Variants in HS3ST5 observed in about 807,000 individuals in gnomAD.
HS3ST5 encodes heparan sulfate glucosamine 3-O-sulfotransferase 5.
Under a neutral mutation model 25.4 loss-of-function variants are expected in HS3ST5, and 10 were observed. That is an observed-to-expected ratio of 0.39 (90% confidence interval 0.24 to 0.67). The LOEUF (loss-of-function observed/expected upper bound fraction) is 0.67, where lower values mean the gene tolerates loss of function less well. Among genes scored for constraint, HS3ST5 ranks in the 30% least tolerant of loss-of-function variants. The pLI is 0.44. For missense variants in HS3ST5, 324 were observed against 420.7 expected (o/e 0.77, Z 2.01); for synonymous variants, 170 against 162.4 (o/e 1.05, Z -0.36).
chr6:114,205,554 T>C (rs13328290), intron 2 of HS3ST5, among the ~76,000 whole-genome samples: 1 of 152,186 alleles, frequency 6.6e-6, no homozygotes, highest in Non-Finnish European at 1.5e-5. Flanking sequence ...GCATGATTGA[T>C]GAGATCATTG....
At position 114,135,619 on chromosome 6, in the gene HS3ST5, C is replaced by T. The variant is rs557745219; in HGVS notation, c.-33+32732G>A. 5.3e-5 allele frequency among the ~76,000 whole-genome samples: 8 copies of T among 152,310 alleles called. No homozygotes were observed. In the East Asian group the frequency reaches 5.8e-4, roughly 11 times the overall value. On this transcript the variant is annotated intron_variant, in intron 3 of 4. Coordinates refer to ENST00000312719, the MANE Select transcript of HS3ST5 (RefSeq NM_153612.4). ...CCATCCTCCCTCTCCACCCAGGGCA[C>T]GGTTTCAAGATTTAGGTCAGATGTC... is the stretch of plus-strand genomic sequence containing the variant.
chr6:114,333,746 C>T (rs1776498655), intron 1 of HS3ST5, among the ~76,000 whole-genome samples: 1 of 151,802 alleles, frequency 6.6e-6, no homozygotes, highest in Non-Finnish European at 1.5e-5. Flanking sequence ...CCCGGGTTTA[C>T]GTATTACGGC....
intron 4 of HS3ST5, chr6:114,058,774 G>A (rs1422970184): frequency 1.3e-5 from 2 of 153,228 alleles, no homozygotes; most frequent in Non-Finnish European, 2.9e-5. Flanking sequence ...GAGACTCTCT[G>A]CCCTGGGCCT....
intron 2 of HS3ST5, among the ~76,000 whole-genome samples, chr6:114,171,680 C>T (rs1020897008): frequency 6.6e-6 from 1 of 152,064 alleles, no homozygotes; most frequent in Non-Finnish European, 1.5e-5. Context: ...ACTTATAATT[C>T]GTAAGTTACG....
At chr6:114,327,066 C>T (rs751443719) in intron 1 of HS3ST5, among the ~76,000 whole-genome samples, 16 of 152,122 alleles carry the variant, frequency 1.1e-4, no homozygotes, top group Non-Finnish European at 1.9e-4. Flanking sequence ...GTAAAATCTC[C>T]TAGAATACAG....
rs990666370 is a variant in HS3ST5, at chr6:114,311,379, C to T, written c.-339+30816G>A. Among the ~76,000 whole-genome samples, 17 of 152,110 alleles carry T rather than the reference C, an allele frequency of 1.1e-4. No individual in the cohort carries two copies. In the East Asian group the frequency reaches 2.3e-3, roughly 21 times the overall value. ...TTAAGAATGCTTATTCTGAGTAGAA[C>T]GGTTATGGTTGATTTAAATTACTCT... On this transcript the variant is annotated intron_variant, in intron 1 of 4. Coordinates refer to ENST00000312719, the MANE Select transcript of HS3ST5 (RefSeq NM_153612.4).
intron 4 of HS3ST5, among the ~76,000 whole-genome samples, chr6:114,061,271 G>A (rs1427166174): frequency 6.6e-6 from 1 of 152,186 alleles, no homozygotes; most frequent in African/African-American, 2.4e-5. Flanking sequence ...TACAGAGGTA[G>A]GCCAATGGCA....
rs1772782515 is a variant in HS3ST5 at position 114,056,594 on chromosome 6, T to C, written c.*663A>G. The C allele has an allele frequency of 6.6e-6, 1 of 152,224 alleles. No individual in the cohort carries two copies. Among genetic ancestry groups the C allele is most frequent in the Non-Finnish European group, 1.5e-5 (1 of 68,052 alleles). The allele number at this position is 152,224 out of a possible 1,614,324, so 9.4% of individuals were successfully genotyped here. A position where few individuals can be genotyped will look rare whatever the true frequency, so the allele number is the denominator to read the frequency against. ...CCAGTATTTACAACAATATACATTA[T>C]GTACATGACATTTCTCTCTGTTGAC... On this transcript the variant is annotated 3_prime_UTR_variant, in exon 5 of 5. Transcript: ENST00000312719.
At chr6:114,264,689 G>T (rs1773327950) in intron 1 of HS3ST5, among the ~76,000 whole-genome samples, 2 of 152,108 alleles carry the variant, frequency 1.3e-5, no homozygotes, top group South Asian at 4.1e-4. Context: ...GATGTTCAGT[G>T]AAAAGCTTGG....
rs570883419 is a variant in HS3ST5 at position 114,211,379 on chromosome 6, A to G, written c.-145+17206T>C. ...TTTCTCAGTCTTGATCCTAACTTCCATTGTGTGAGTTATTCCTCAGTTTCA... is the reference window on the plus strand; with the variant it reads ...TTTCTCAGTCTTGATCCTAACTTCCGTTGTGTGAGTTATTCCTCAGTTTCA... On this transcript the variant is annotated intron_variant, in intron 2 of 4. Coordinates refer to ENST00000312719, the MANE Select transcript of HS3ST5 (RefSeq NM_153612.4). Among the ~76,000 whole-genome samples, 4 of 152,168 alleles carry G rather than the reference A, an allele frequency of 2.6e-5. No homozygotes were observed. In the East Asian group the frequency reaches 5.8e-4, roughly 22 times the overall value.
At chr6:114,104,718 A>T (rs1252014303) in intron 3 of HS3ST5, among the ~76,000 whole-genome samples, 1 of 152,192 alleles carries the variant, frequency 6.6e-6, no homozygotes, top group Non-Finnish European at 1.5e-5. Flanking sequence ...GGGGGTTGAG[A>T]ACAAATATAC....
chr6:114,079,231 A>G (rs12661426), intron 3 of HS3ST5, among the ~76,000 whole-genome samples: 7,186 of 152,296 alleles, frequency 0.047, 327 homozygotes, highest in African/African-American at 0.12. Flanking sequence ...AAGAGTTTTC[A>G]GTGGGATGCA....
intron 3 of HS3ST5, among the ~76,000 whole-genome samples, chr6:114,145,366 C>T (rs1307135719): frequency 2.0e-5 from 3 of 152,262 alleles, no homozygotes; most frequent in East Asian, 1.9e-4. Context: ...TAGTGTGCTT[C>T]GAGTTTCATC....
chr6:114,073,351 G>A (rs549728589), intron 3 of HS3ST5, among the ~76,000 whole-genome samples: 28 of 152,272 alleles, frequency 1.8e-4, no homozygotes, highest in Admixed American at 4.6e-4. Context: ...AGAGTGAACA[G>A]GCAACCTACA....
intron 1 of HS3ST5, among the ~76,000 whole-genome samples, chr6:114,264,461 A>G (rs938522237): frequency 2.0e-5 from 3 of 152,190 alleles, no homozygotes; most frequent in Non-Finnish European, 2.9e-5. Context: ...TCCTCATTAT[A>G]ATATGTATTA....
chr6:114,087,832 C>T (rs2114784348), intron 3 of HS3ST5, among the ~76,000 whole-genome samples: 1 of 152,242 alleles, frequency 6.6e-6, no homozygotes, highest in Non-Finnish European at 1.5e-5. Context: ...CAATCTGATA[C>T]ACATCTACAT....
intron 3 of HS3ST5, among the ~76,000 whole-genome samples, chr6:114,141,858 TTGTGTG>T (rs59862071): frequency 0.53 from 74,490 of 141,122 alleles, 21,104 homozygotes; most frequent in Non-Finnish European, 0.66. Flanking sequence ...AGATGATAGT[TTGTGTG>T]TGTGTGTGTG....
Position 114,243,340 on chromosome 6 carries a change from G to A in HS3ST5, c.-338-14562C>T, listed in dbSNP as rs535349816. Among the ~76,000 whole-genome samples, 253 of 152,306 alleles carry A rather than the reference G, an allele frequency of 1.7e-3. 1 individual carries two copies. The highest frequency in any genetic ancestry group is 3.0e-3 in the Non-Finnish European group (204 of 68,028). On this transcript the variant is annotated intron_variant, in intron 1 of 4. Coordinates refer to ENST00000312719, the MANE Select transcript of HS3ST5 (RefSeq NM_153612.4). ...AGAACTGAACTGAGTGGACAGTATA[G>A]GAGATCTCAGCATCATACTTAAAAT...
chr6:114,207,020 C>A (rs1001946784), intron 2 of HS3ST5, among the ~76,000 whole-genome samples: 1 of 152,142 alleles, frequency 6.6e-6, no homozygotes, highest in Non-Finnish European at 1.5e-5. Context: ...TACAGTATAT[C>A]ACATTCAACT....
Sources: gnomAD v4.1 joint callset for allele counts (sites outside exome capture counted in the v4.1 genomes callset) on GRCh38, gnomAD v4.1.1 for gene constraint, MANE v1.5 for transcripts, NCBI Gene and HGNC (gene_info 2026-07-23, HGNC 2026-07-21) for gene names.